Variants in NLGN1 observed in about 807,000 individuals in gnomAD.
The protein encoded by NLGN1 is neuroligin-1.
NLGN1 carries 12 observed loss-of-function variants against 65.5 expected under a neutral mutation model. The observed-to-expected ratio is 0.18, with a 90% CI of 0.12 to 0.30. The LOEUF is 0.30. NLGN1 is among the 10% of genes least tolerant of loss of function. The pLI is 1.00. For synonymous variants in NLGN1, 350 were observed against 359.5 expected, an observed-to-expected ratio of 0.97 and a Z score of 0.30; for missense variants, 750 against 1,007.1, an observed-to-expected ratio of 0.74 and a Z score of 3.46.
chr3:174,244,117 A>T (rs1275509374), intron 4 of NLGN1, among the ~76,000 whole-genome samples: 1 of 152,176 alleles, frequency 6.6e-6, no homozygotes, highest in African/African-American at 2.4e-5. Flanking sequence ...GGATTTCTTT[A>T]TATTTCAGTG....
intron 3 of NLGN1, among the ~76,000 whole-genome samples, chr3:173,650,959 G>A (rs1432219576): frequency 6.6e-6 from 1 of 151,588 alleles, no homozygotes; most frequent in East Asian, 1.9e-4. Context: ...AATTTAAGGA[G>A]TACAAGTGCA....
At position 174,145,469 on chromosome 3, in the gene NLGN1, C is replaced by T. The variant is rs193274703; in HGVS notation, c.647-129846C>T. ...CAGGGGTTCCGGTGAGCCAAGATGG[C>T]GCCACTGCACTCCAGCCTGGTGACA... On this transcript the variant is annotated intron_variant, in intron 4 of 6. Coordinates refer to ENST00000457714, the Ensembl canonical transcript of NLGN1. 5.3e-5 allele frequency among the ~76,000 whole-genome samples: 8 copies of T among 151,542 alleles called. No homozygotes were observed. In the East Asian group the frequency reaches 9.7e-4, roughly 18 times the overall value.
chr3:173,960,410 G>A (rs1402845886), intron 4 of NLGN1, among the ~76,000 whole-genome samples: 1 of 151,760 alleles, frequency 6.6e-6, no homozygotes, highest in Non-Finnish European at 1.5e-5. Context: ...ATATCTAAGT[G>A]GAATTTTTGT....
intron 3 of NLGN1, among the ~76,000 whole-genome samples, chr3:173,806,920 G>T (rs749365349): frequency 5.3e-5 from 8 of 152,094 alleles, no homozygotes; most frequent in Non-Finnish European, 1.2e-4. Flanking sequence ...GAGCCAAAGC[G>T]TGAAGAAGAA....
At chr3:173,996,888 A>G (rs1474347920) in intron 4 of NLGN1, among the ~76,000 whole-genome samples, 3 of 152,290 alleles carry the variant, frequency 2.0e-5, no homozygotes, top group East Asian at 1.9e-4. Flanking sequence ...TAGACTATCA[A>G]TGAGACTTTA....
chr3:174,177,201 T>C (rs1476088190), intron 4 of NLGN1, among the ~76,000 whole-genome samples: 1 of 152,078 alleles, frequency 6.6e-6, no homozygotes, highest in Admixed American at 6.6e-5. Context: ...TATTAAAATA[T>C]TCATGGAAAA....
exon 7 of NLGN1, chr3:174,285,381 T>C (rs1454769699): frequency 2.0e-5 from 3 of 151,532 alleles, no homozygotes; most frequent in African/African-American, 7.2e-5. Context: ...TGTGAAAACA[T>C]GCTTCCAAAT....
chr3:173,929,576 CAAA>C (rs538842767), intron 4 of NLGN1, among the ~76,000 whole-genome samples: 2 of 85,020 alleles, frequency 2.4e-5, no homozygotes, highest in Non-Finnish European at 2.6e-5. Flanking sequence ...CTGTCATTTC[CAAA>C]AAAAAAAAAA....
At chr3:173,796,100 C>CT (rs1418774262) in intron 3 of NLGN1, among the ~76,000 whole-genome samples, 1 of 152,034 alleles carries the variant, frequency 6.6e-6, no homozygotes, top group African/African-American at 2.4e-5. Flanking sequence ...ACCTACTTGC[C>CT]TTTTGCAGAT....
intron 1 of NLGN1, among the ~76,000 whole-genome samples, chr3:173,430,882 C>A (rs1717051728): frequency 6.6e-6 from 1 of 152,206 alleles, no homozygotes; most frequent in Non-Finnish European, 1.5e-5. Flanking sequence ...TGATACCATG[C>A]TTCTTGTACA....
At chr3:173,400,984 C>T (rs1024330657) in intron 1 of NLGN1, among the ~76,000 whole-genome samples, 7 of 151,786 alleles carry the variant, frequency 4.6e-5, no homozygotes, top group Admixed American at 2.6e-4. Context: ...TCTATTATCT[C>T]GAAACCTTTC....
chr3:173,947,059 A>AT (rs63224363), intron 4 of NLGN1, among the ~76,000 whole-genome samples: 124,444 of 135,016 alleles, frequency 0.92, 57,564 homozygotes, highest in South Asian at 0.97. Context: ...AGTTGTTAGG[A>AT]TTTTTTTTTT....
rs1236678856 is a variant in NLGN1, at chr3:173,707,047, A to G, written c.494-100633A>G. 1.2e-4 allele frequency among the ~76,000 whole-genome samples: 19 copies of G among 152,184 alleles called. 2 individuals carry two copies. The highest frequency in any genetic ancestry group is 1.2e-3 in the Admixed American group (19 of 15,272). Reference sequence around the variant, plus strand: ...CTTATATGGTGCCTTATACACTCCTATAACATTTATCCTGCTCTGTCTTTA... The same window carrying G: ...CTTATATGGTGCCTTATACACTCCTGTAACATTTATCCTGCTCTGTCTTTA... On this transcript the variant is annotated intron_variant, in intron 3 of 6. Coordinates refer to ENST00000457714, the Ensembl canonical transcript of NLGN1.
At chr3:174,110,731 A>C (rs1175094503) in intron 4 of NLGN1, among the ~76,000 whole-genome samples, 1 of 152,014 alleles carries the variant, frequency 6.6e-6, no homozygotes, top group Admixed American at 6.6e-5. Flanking sequence ...TAACATGATG[A>C]CTTTTTCCCT....
At chr3:174,073,596 T>A (rs1740340858) in intron 4 of NLGN1, among the ~76,000 whole-genome samples, 1 of 152,188 alleles carries the variant, frequency 6.6e-6, no homozygotes, top group Non-Finnish European at 1.5e-5. Flanking sequence ...GCCTGAAAGA[T>A]CATTTTCAAT....
intron 2 of NLGN1, among the ~76,000 whole-genome samples, chr3:173,472,569 G>A (rs545762966): frequency 1.3e-5 from 2 of 151,956 alleles, no homozygotes; most frequent in South Asian, 2.1e-4. Context: ...ATCTAGTATT[G>A]TGCCTTGGGT....
chr3:173,919,757 T>G (rs1261896585), intron 4 of NLGN1, among the ~76,000 whole-genome samples: 2 of 151,508 alleles, frequency 1.3e-5, no homozygotes, highest in Non-Finnish European at 2.9e-5. Flanking sequence ...TCTGTTGAAC[T>G]AAAAATGAAA....
intron 4 of NLGN1, among the ~76,000 whole-genome samples, chr3:174,000,543 C>T (rs1228787784): frequency 6.6e-6 from 1 of 152,078 alleles, no homozygotes; most frequent in Non-Finnish European, 1.5e-5. Flanking sequence ...AAAAAGGTAA[C>T]AGAGAGCCAT....
At chr3:173,474,190 T>C (rs1725800391) in intron 2 of NLGN1, among the ~76,000 whole-genome samples, 1 of 152,098 alleles carries the variant, frequency 6.6e-6, no homozygotes, top group African/African-American at 2.4e-5. Context: ...TCCTTCTCCT[T>C]CTTCTTCTGA....
Sources: allele counts gnomAD v4.1 joint callset (sites outside exome capture counted in the v4.1 genomes callset), GRCh38; gene constraint gnomAD v4.1.1; transcripts MANE v1.5; gene names NCBI Gene and HGNC (gene_info 2026-07-23, HGNC 2026-07-21).